Variants in INTS3 observed in about 807,000 individuals in gnomAD.
INTS3 encodes the protein SOSS complex subunit A.
Under a neutral mutation model 146.3 loss-of-function variants are expected in INTS3, and 34 were observed. That is an observed-to-expected ratio of 0.23 (90% CI 0.18 to 0.31). The LOEUF is 0.31. Among genes scored for constraint, INTS3 ranks in the 10% least tolerant of loss-of-function variants. The pLI, the probability that INTS3 is intolerant of heterozygous loss-of-function variation, is 1.00. For missense variants in INTS3, 757 were observed against 1,304.2 expected, an observed-to-expected ratio of 0.58 and a Z score of 6.46; for synonymous variants, 475 against 494.9, an observed-to-expected ratio of 0.96 and a Z score of 0.53.
At chr1:153,771,587 C>CT (rs1672872025) in intron 25 of INTS3, among the ~76,000 whole-genome samples, 1 of 152,164 alleles carries the variant, frequency 6.6e-6, no homozygotes, top group Admixed American at 6.5e-5. Context: ...ACGCCTTCTC[C>CT]TACCACAGCA....
In INTS3 at chr1:153,772,623, CCTTTT is replaced by C; in HGVS notation, c.2822-12_2822-8del. 1.2e-6 allele frequency: 2 copies of C among 1,614,212 alleles called. No individual in the cohort carries two copies. Among genetic ancestry groups the C allele is most frequent in the African/African-American group, 2.7e-5 (2 of 75,056 alleles). ...TGATTGTTTTTCCTTCCCTGCTCTC[CCTTTT>C]CTTCCTCTAGTTTTTAGCCAGACGC... On this transcript the variant is annotated splice_polypyrimidine_tract_variant and intron_variant, in intron 27 of 29. Transcript: ENST00000318967. The surrounding 1 kb of genome is among the most constrained non-coding windows in gnomAD (Gnocchi z 4.6).
chr1:153,746,929 G>T, intron 3 of INTS3, 28 bp from the exon 4 acceptor site: 1 of 1,502,414 alleles, frequency 6.7e-7, no homozygotes, highest in Non-Finnish European at 9.3e-7. Flanking sequence ...TCAGCTTGCT[G>T]GCTGATCACA....
chr1:153,738,734 A>G (rs1279251652), intron 1 of INTS3, among the ~76,000 whole-genome samples: 1 of 152,146 alleles, frequency 6.6e-6, no homozygotes, highest in Non-Finnish European at 1.5e-5. Flanking sequence ...TGATGATGAT[A>G]TTTGCCTGAA....
chr1:153,773,589 T>G lies in INTS3; in HGVS notation c.*319T>G. The G allele has an allele frequency of 4.6e-6, 2 of 433,114 alleles. No individual in the cohort carries two copies. The highest frequency in any genetic ancestry group is 4.3e-6 in the Non-Finnish European group (1 of 231,786). 26.8% of individuals were successfully genotyped at this position (433,114 alleles called of 1,614,324 possible). ...CCCCCTGGCCCCTTCCGCAATCTCC[T>G]CCCCCAGTCTCCCAAAGAGCCATTT... On this transcript the variant is annotated 3_prime_UTR_variant, in exon 30 of 30. Transcript: ENST00000318967.
chr1:153,760,480 G>A (rs1197926238), intron 12 of INTS3, 90 bp downstream of exon 12: 1 of 1,108,618 alleles, frequency 9.0e-7, no homozygotes, highest in Non-Finnish European at 1.4e-6. Flanking sequence ...GGTCTTCTCG[G>A]TATGCCTTGA....
chr1:153,758,172 G>T (rs982143478), intron 10 of INTS3, among the ~76,000 whole-genome samples: 1 of 152,186 alleles, frequency 6.6e-6, no homozygotes, highest in Non-Finnish European at 1.5e-5. Flanking sequence ...TGTAAATGCA[G>T]CGAATCTGCA....
rs1672525278 is a variant in INTS3, at chr1:153,765,073, G to A, written c.2090+10G>A. 3 of 1,613,914 alleles carry A rather than the reference G, an allele frequency of 1.9e-6. No homozygotes were observed. In the African/African-American group the frequency reaches 4.0e-5, roughly 22 times the overall value. The stretch of plus-strand genomic sequence containing the variant: ...ACTACCTGAGGGCCAGGTGGGTATG[G>A]TCCCCATGTTTCAAATGGTGTCAGG... On this transcript the variant is annotated intron_variant, in intron 20 of 29. Coordinates refer to ENST00000318967, the MANE Select transcript of INTS3 (RefSeq NM_023015.5).
intron 3 of INTS3, among the ~76,000 whole-genome samples, chr1:153,742,970 G>T (rs1191803568): frequency 6.6e-6 from 1 of 152,198 alleles, no homozygotes; most frequent in Non-Finnish European, 1.5e-5. Flanking sequence ...AAGCCTCCAG[G>T]TCAGGCCTCT....
intron 6 of INTS3, among the ~76,000 whole-genome samples, chr1:153,750,091 C>T (rs148284334): frequency 1.3e-5 from 2 of 152,184 alleles, no homozygotes; most frequent in African/African-American, 4.8e-5. Flanking sequence ...GTAACCTTGG[C>T]TAGTGTATCC....
At chr1:153,766,115 C>CTTTTTTTTTTTTTTTT (rs542483679) in intron 20 of INTS3, among the ~76,000 whole-genome samples, 4 of 84,650 alleles carry the variant, frequency 4.7e-5, no homozygotes, top group South Asian at 4.3e-4. Flanking sequence ...TTTTCTTTCT[C>CTTTTTTTTTTTTTTTT]TTTTTTTTTT....
Position 153,772,200 on chromosome 1 carries a change from C to T in INTS3, c.2721-140C>T, listed in dbSNP as rs1672916589. ...CTGTTCTAGGCACACCTTTCTCACCCAACCCCAGCCCTCCCAGGCTGCCTA... is the reference window on the plus strand; with the variant it reads ...CTGTTCTAGGCACACCTTTCTCACCTAACCCCAGCCCTCCCAGGCTGCCTA... On this transcript the variant is annotated intron_variant, in intron 26 of 29. Transcript: ENST00000318967. The surrounding 1 kb of genome is among the most constrained non-coding windows in gnomAD (Gnocchi z 4.6). 4 of 1,049,466 alleles carry T rather than the reference C, an allele frequency of 3.8e-6. No homozygotes were observed. The highest frequency in any genetic ancestry group is 1.5e-5 in the South Asian group (1 of 65,498). 65.0% of individuals were successfully genotyped at this position (1,049,466 alleles called of 1,614,324 possible).
chr1:153,731,668 C>G (rs1190898920), intron 1 of INTS3, among the ~76,000 whole-genome samples: 2 of 144,810 alleles, frequency 1.4e-5, no homozygotes, highest in African/African-American at 2.6e-5. Flanking sequence ...TCACTGCAAG[C>G]TCTGCCTCCC....
Position 153,770,926 on chromosome 1 carries a change from C to G in INTS3, c.2552+193C>G, listed in dbSNP as rs149136394. On this transcript the variant is annotated intron_variant, in intron 25 of 29. Transcript: ENST00000318967. Reference sequence around the variant, plus strand: ...GGATCTGGGCTTCCTCTCGACTTTACCCCCCTGCCCACCAGGAGCTGCCCT... The same window carrying G: ...GGATCTGGGCTTCCTCTCGACTTTAGCCCCCTGCCCACCAGGAGCTGCCCT... Among the ~76,000 whole-genome samples the G allele has an allele frequency of 8.9e-3, 1,350 of 152,132 alleles. 13 individuals carry two copies. Among genetic ancestry groups the G allele is most frequent in the African/African-American group, 0.029 (1,213 of 41,432 alleles).
intron 21 of INTS3, 61 bp downstream of exon 21, chr1:153,767,888 TCTGAGTACACACAAC>T: frequency 6.7e-7 from 1 of 1,489,108 alleles, no homozygotes. Context: ...CAGTGAACAC[TCTGAGTACACACAAC>T]CCTGAACCCT....
chr1:153,752,769 C>T (rs148804772), intron 8 of INTS3, among the ~76,000 whole-genome samples: 264 of 152,164 alleles, frequency 1.7e-3, no homozygotes, highest in African/African-American at 5.9e-3. Context: ...GAGGTCAACT[C>T]GTGAGACTGA....
At chr1:153,748,624 A>G in intron 5 of INTS3, 65 bp from the exon 6 acceptor site, 3 of 1,282,924 alleles carry the variant, frequency 2.3e-6, no homozygotes, top group Non-Finnish European at 3.4e-6. Context: ...GAATGGGTGA[A>G]GAGATGTATT....
At chr1:153,770,597 C>T (rs536159463) in intron 24 of INTS3, 88 bp from the exon 25 acceptor site, 1 of 1,087,562 alleles carries the variant, frequency 9.2e-7, no homozygotes, top group South Asian at 1.3e-5. Context: ...TTATTCCCTC[C>T]AGTGGCTGTT....
At chr1:153,759,901 T>C (rs1351232373) in intron 11 of INTS3, 1 of 515,568 alleles carries the variant, frequency 1.9e-6, no homozygotes, top group Non-Finnish European at 3.4e-6. Context: ...TCTCCTCACC[T>C]ATTACTTCCC....
At chr1:153,744,069 G>GTGT (rs1671639484) in intron 3 of INTS3, among the ~76,000 whole-genome samples, 1 of 149,354 alleles carries the variant, frequency 6.7e-6, no homozygotes, top group Non-Finnish European at 1.5e-5. Flanking sequence ...GTGTGTGTGT[G>GTGT]TGTGTGTGTG....
Sources: gnomAD v4.1 joint callset for allele counts (sites outside exome capture counted in the v4.1 genomes callset) on GRCh38, gnomAD v4.1.1 for gene constraint, Gnocchi (gnomAD v3.1) non-coding constraint, MANE v1.5 for transcripts, NCBI Gene and HGNC (gene_info 2026-07-23, HGNC 2026-07-21) for gene names.